Variants in RBFOX1 observed in about 807,000 individuals in gnomAD.
RBFOX1 encodes the protein RNA binding fox-1 homolog 1.
RBFOX1 carries 8 observed loss-of-function variants against 57.7 expected under a neutral mutation model. That is an observed-to-expected ratio of 0.14 (90% confidence interval 0.08 to 0.25). The LOEUF (loss-of-function observed/expected upper bound fraction) is 0.25. Ranked by LOEUF, RBFOX1 falls within the 10% of genes least tolerant of loss-of-function variation. The pLI is 1.00. For synonymous variants in RBFOX1, 326 were observed against 222.4 expected, an observed-to-expected ratio of 1.47 and a Z score of -4.15; for missense variants, 611 against 548.5, an observed-to-expected ratio of 1.11 and a Z score of -1.14.
chr16:7,138,295 A>C (rs939166483), intron 4 of RBFOX1, among the ~76,000 whole-genome samples: 1 of 152,220 alleles, frequency 6.6e-6, no homozygotes, highest in Non-Finnish European at 1.5e-5. Flanking sequence ...GCCACACATG[A>C]GATCTTCAGC....
chr16:6,866,842 A>G (rs1163108525), intron 3 of RBFOX1, among the ~76,000 whole-genome samples: 4 of 151,876 alleles, frequency 2.6e-5, no homozygotes, highest in Non-Finnish European at 4.4e-5. Context: ...GCGCCCAGCT[A>G]AAGGTTAGGG....
chr16:7,098,351 G>T (rs1040995019), intron 4 of RBFOX1, among the ~76,000 whole-genome samples: 1 of 152,064 alleles, frequency 6.6e-6, no homozygotes, highest in African/African-American at 2.4e-5. Flanking sequence ...TATATTTTTA[G>T]TGGAGATGGG....
intron 4 of RBFOX1, among the ~76,000 whole-genome samples, chr16:7,131,364 TA>T (rs35050100): frequency 0.017 from 1,388 of 83,252 alleles, 50 homozygotes; most frequent in African/African-American, 0.056. Context: ...TTTTTTTTTT[TA>T]AAAAAAAAAA....
chr16:7,381,229 C>G (rs2097777264), intron 4 of RBFOX1, among the ~76,000 whole-genome samples: 1 of 152,176 alleles, frequency 6.6e-6, no homozygotes, highest in Admixed American at 6.5e-5. Context: ...GGCCGTGTCT[C>G]TCAAACCCAG....
chr16:6,222,654 C>G (rs1392663309), intron 1 of RBFOX1, among the ~76,000 whole-genome samples: 1 of 149,026 alleles, frequency 6.7e-6, no homozygotes, highest in African/African-American at 2.5e-5. Flanking sequence ...TTCAGTAGGT[C>G]TTGGGTAGAA....
In RBFOX1 at chr16:6,145,791, A is replaced by C. The variant is rs181363944; in HGVS notation, c.-127+125799A>C. Among the ~76,000 whole-genome samples, 3 of 152,178 alleles carry C rather than the reference A, an allele frequency of 2.0e-5. No individual in the cohort carries two copies. In the East Asian group the frequency reaches 5.8e-4, roughly 29 times the overall value. On this transcript the variant is annotated intron_variant, in intron 1 of 15. Transcript: ENST00000550418. ...TAGACTAATCACAGTTTGCAAAGGA[A>C]AAAAAGAAAAAAGAAGCCAACCAGA...
rs928189351 is a variant in RBFOX1 at position 6,316,989 on chromosome 16, C to A, written c.-126-6C>A. The A allele has an allele frequency of 9.8e-6, 15 of 1,532,126 alleles. No individual in the cohort carries two copies. In the African/African-American group the frequency reaches 1.4e-4, roughly 14 times the overall value. 94.9% of individuals were successfully genotyped at this position (1,532,126 alleles called of 1,614,324 possible). A position where few individuals can be genotyped will look rare whatever the true frequency, so the allele number is the denominator to read the frequency against. On this transcript the variant is annotated splice_region_variant and splice_polypyrimidine_tract_variant and intron_variant, in intron 1 of 15. Transcript: ENST00000550418. ...TACTAAAGTCATTCCCCTTTTTCTTCTTTAGGAAACTGGTCAAAGAACTCA... is the reference window on the plus strand; with the variant it reads ...TACTAAAGTCATTCCCCTTTTTCTTATTTAGGAAACTGGTCAAAGAACTCA...
intron 3 of RBFOX1, among the ~76,000 whole-genome samples, chr16:6,819,267 A>G (rs1344602345): frequency 6.6e-6 from 1 of 152,212 alleles, no homozygotes; most frequent in Non-Finnish European, 1.5e-5. Flanking sequence ...TGTGTCTCCC[A>G]GTGGAAATGG....
intron 3 of RBFOX1, chr16:5,610,716 A>C (rs1349237331): frequency 6.6e-6 from 1 of 152,082 alleles, no homozygotes. Context: ...TTTAAAATTA[A>C]AAATTTAATG....
intron 4 of RBFOX1, among the ~76,000 whole-genome samples, chr16:7,124,335 G>C (rs568637839): frequency 1.3e-5 from 2 of 152,266 alleles, no homozygotes; most frequent in African/African-American, 4.8e-5. Flanking sequence ...GATCCCTTGA[G>C]TTCAGGAGGT....
chr16:5,452,487 G>C (rs2068457263), intron 1 of RBFOX1, among the ~76,000 whole-genome samples: 1 of 151,962 alleles, frequency 6.6e-6, no homozygotes. Flanking sequence ...CATTTCTTGA[G>C]ACTGCTTTCT....
intron 1 of RBFOX1, among the ~76,000 whole-genome samples, chr16:6,139,863 A>G (rs1405249939): frequency 6.6e-6 from 1 of 152,218 alleles, no homozygotes; most frequent in Admixed American, 6.5e-5. Flanking sequence ...GGAAGCAGAA[A>G]AGGGTGGACA....
At chr16:7,362,144 A>G (rs781170906) in intron 4 of RBFOX1, among the ~76,000 whole-genome samples, 23 of 149,044 alleles carry the variant, frequency 1.5e-4, no homozygotes, top group Non-Finnish European at 2.8e-4. Flanking sequence ...GTGTTAGTGT[A>G]TGTGTGTTAG....
Position 7,710,361 on chromosome 16 carries a change from G to T in RBFOX1, c.1072-262G>T, listed in dbSNP as rs534839144. ...ATGAGACAGTGAAAATCCTTCCATT[G>T]TCCAGCTTATAATAGAGTCCTTTTA... On this transcript the variant is annotated intron_variant, in intron 15 of 15. Coordinates refer to ENST00000550418, the MANE Select transcript of RBFOX1 (RefSeq NM_018723.4). 1.0e-3 allele frequency: 1,362 copies of T among 1,309,234 alleles called. 2 individuals carry two copies. Among genetic ancestry groups the T allele is most frequent in the African/African-American group, 2.6e-3 (167 of 65,156 alleles). 81.1% of individuals were successfully genotyped at this position (1,309,234 alleles called of 1,614,324 possible).
chr16:5,819,000 C>T lies in RBFOX1; in HGVS notation c.319-48303C>T, dbSNP rs565240949. On this transcript the variant is annotated intron_variant, in intron 3 of 19. Transcript: ENST00000641259. ...TGTCCCCATCTCCATCTGTCCTTCT[C>T]CTCCTCTGCTCCATTTCCCCCTCCT... Among the ~76,000 whole-genome samples, 5 of 152,316 alleles carry T rather than the reference C, an allele frequency of 3.3e-5. No homozygotes were observed. The South Asian group carries it at 1.0e-3, about 32-fold the overall frequency.
At chr16:5,953,951 G>A (rs937463262) in intron 4 of RBFOX1, among the ~76,000 whole-genome samples, 1 of 152,104 alleles carries the variant, frequency 6.6e-6, no homozygotes, top group Admixed American at 6.5e-5. Context: ...GTTGCCAACC[G>A]TGGTACCCAT....
intron 1 of RBFOX1, among the ~76,000 whole-genome samples, chr16:6,237,356 A>G (rs1304799864): frequency 6.6e-6 from 1 of 152,178 alleles, no homozygotes; most frequent in Non-Finnish European, 1.5e-5. Context: ...TTTCATCCTT[A>G]TATGGCCAGG....
intron 4 of RBFOX1, among the ~76,000 whole-genome samples, chr16:7,444,490 A>C (rs1057151769): frequency 2.0e-5 from 3 of 152,130 alleles, no homozygotes; most frequent in Non-Finnish European, 4.4e-5. Flanking sequence ...ATAAATAATA[A>C]AGATGTTCTG....
intron 2 of RBFOX1, among the ~76,000 whole-genome samples, chr16:6,562,696 A>C (rs2097194169): frequency 6.6e-6 from 1 of 152,176 alleles, no homozygotes; most frequent in African/African-American, 2.4e-5. Context: ...AACCAGGTGA[A>C]ACAGTGATTT....
Sources: gnomAD v4.1 joint callset for allele counts (sites outside exome capture counted in the v4.1 genomes callset) on GRCh38, gnomAD v4.1.1 for gene constraint, MANE v1.5 for transcripts, NCBI Gene and HGNC (gene_info 2026-07-23, HGNC 2026-07-21) for gene names.